ATR: variants seen among roughly 807,000 people sequenced by gnomAD.
ATR encodes ATR checkpoint kinase, also known as serine/threonine-protein kinase ATR.
ATR carries 142 observed loss-of-function variants against 305.3 expected under a neutral mutation model. The observed-to-expected ratio is 0.47, with a 90% CI of 0.41 to 0.53. ATR has a LOEUF of 0.53. Among genes scored for constraint, ATR ranks in the 20% least tolerant of loss-of-function variants. The probability of loss-of-function intolerance (pLI) is 0.00; values close to 1 mark genes in which losing one functional copy is unlikely to be tolerated. For synonymous variants in ATR, 1,050 were observed against 1,068.1 expected, an observed-to-expected ratio of 0.98 and a Z score of 0.33; for missense variants, 2,135 against 3,133.1, an observed-to-expected ratio of 0.68 and a Z score of 7.60.
At chr3:142,506,668 T>C (rs1381955726) in intron 28 of ATR, among the ~76,000 whole-genome samples, 6 of 151,998 alleles carry the variant, frequency 3.9e-5, no homozygotes, top group African/African-American at 1.5e-4. Context: ...GCCTAGGTGA[T>C]AGAGCAAGAC....
intron 18 of ATR, 26 bp from the exon 19 acceptor site, chr3:142,538,651 A>G (rs770078503): frequency 6.2e-7 from 1 of 1,612,518 alleles, no homozygotes; most frequent in Non-Finnish European, 8.5e-7. Context: ...AATAGAAATG[A>G]AGTCCAATTA....
Position 142,561,296 on chromosome 3 carries a change from A to C in ATR, c.1296T>G (p.Arg432=), listed in dbSNP as rs1017701128. 1 of 1,614,064 alleles carries C rather than the reference A, an allele frequency of 6.2e-7. No individual in the cohort carries two copies. Among genetic ancestry groups the C allele is most frequent in the Non-Finnish European group, 8.5e-7 (1 of 1,179,970 alleles). Reference sequence around the variant, plus strand: ...AAGGGTTTAGAGACGAGCTGAGACGACGCCTTTTGGGTGATATTCCATCAC... The same window carrying C: ...AAGGGTTTAGAGACGAGCTGAGACGCCGCCTTTTGGGTGATATTCCATCAC... ...SNSDGISPKR[R]RLSSSLNPSK... Residue 432 remains arginine, a synonymous_variant, in exon 5 of 47, where the codon CGT becomes CGG. Transcript: ENST00000350721.
chr3:142,560,661 C>T (rs962062392), intron 5 of ATR, among the ~76,000 whole-genome samples: 1 of 151,988 alleles, frequency 6.6e-6, no homozygotes, highest in Admixed American at 6.6e-5. Context: ...CCCGGGTTCA[C>T]GCCATTCTCC....
At position 142,449,505 on chromosome 3, in the gene ATR, A is replaced by G. The variant is rs2108242274; in HGVS notation, c.7859T>C (p.Val2620Ala). 1.2e-6 allele frequency: 2 copies of G among 1,613,592 alleles called. No homozygotes were observed. The highest frequency in any genetic ancestry group is 1.7e-6 in the Non-Finnish European group (2 of 1,179,474). ...TGLPLSIEGH[V>A]HYLIQEATDE... Reference sequence around the variant, plus strand: ...AGTAGCTTCCTGTATAAGGTAATGCACATGTCCTTCAATAGATAACGGCAG... The same window carrying G: ...AGTAGCTTCCTGTATAAGGTAATGCGCATGTCCTTCAATAGATAACGGCAG... Residue 2620 changes from valine to alanine, a missense_variant, in exon 47 of 47, where the codon GTG (valine) becomes GCG (alanine). Val to Ala is a moderately conservative substitution (Grantham distance 64). Transcript: ENST00000350721.
Position 142,467,907 on chromosome 3 carries a change from TTATAAGCACTAAGATTATGA to T in ATR, c.6687+7_6687+26del. 1 of 1,610,144 alleles carries T rather than the reference TTATAAGCACTAAGATTATGA, an allele frequency of 6.2e-7. No individual in the cohort carries two copies. The highest frequency in any genetic ancestry group is 1.1e-5 in the South Asian group (1 of 90,444). On this transcript the variant is annotated splice_region_variant and intron_variant, in intron 39 of 46. Coordinates refer to ENST00000350721, the MANE Select transcript of ATR (RefSeq NM_001184.4). Reference sequence around the variant, plus strand: ...ATATACATAATTACCCAACATCAGTTTATAAGCACTAAGATTATGATAGTACCGGTTTATTGCACAATTCT... The same window carrying T: ...ATATACATAATTACCCAACATCAGTTTAGTACCGGTTTATTGCACAATTCT...
chr3:142,499,234 A>G, intron 31 of ATR: 1 of 337,132 alleles, frequency 3.0e-6, no homozygotes, highest in Non-Finnish European at 5.8e-6. Context: ...ACAGGCTAAG[A>G]TATTAAGTAT....
intron 1 of ATR, among the ~76,000 whole-genome samples, chr3:142,575,483 AAAAGC>A (rs2035407649): frequency 1.3e-5 from 2 of 151,754 alleles, no homozygotes; most frequent in African/African-American, 4.9e-5. Context: ...AAAAAAAAAA[AAAAGC>A]AGGCTCATTC....
At chr3:142,475,447 A>G (rs58227287) in intron 36 of ATR, among the ~76,000 whole-genome samples, 10,150 of 152,210 alleles carry the variant, frequency 0.067, 1,074 homozygotes, top group African/African-American at 0.23. Context: ...TTATGGCTGC[A>G]TAGTATTCCA....
intron 35 of ATR, among the ~76,000 whole-genome samples, chr3:142,492,265 G>A (rs890144593): frequency 1.3e-5 from 2 of 152,114 alleles, no homozygotes; most frequent in African/African-American, 4.8e-5. Flanking sequence ...TAATCTGGCT[G>A]GTGGACTGAA....
intron 40 of ATR, 81 bp from the exon 41 acceptor site, chr3:142,465,321 T>TAAAAA (rs78538255): frequency 1.2e-6 from 1 of 840,746 alleles, no homozygotes; most frequent in South Asian, 2.3e-5. Flanking sequence ...TTGAGTTATG[T>TAAAAA]AAAAAAAAAA....
At chr3:142,496,335 T>TGTATATATATATAC (rs2031639388) in intron 34 of ATR, 26 bp downstream of exon 34, 1 of 731,884 alleles carries the variant, frequency 1.4e-6, no homozygotes, top group African/African-American at 2.0e-5. Context: ...TATATATATA[T>TGTATATATATATAC]ATGATGACAT....
intron 1 of ATR, among the ~76,000 whole-genome samples, chr3:142,573,623 T>C (rs1047772235): frequency 6.6e-6 from 1 of 151,978 alleles, no homozygotes; most frequent in Non-Finnish European, 1.5e-5. Flanking sequence ...ACGTAAGCCA[T>C]AATTTTGTTA....
At chr3:142,523,278 G>T (rs1364627778) in intron 22 of ATR, among the ~76,000 whole-genome samples, 1 of 152,004 alleles carries the variant, frequency 6.6e-6, no homozygotes, top group African/African-American at 2.4e-5. Context: ...AAATTAGCCA[G>T]GCGTGGTGGT....
At chr3:142,458,662 G>A (rs2070960228) in intron 44 of ATR, among the ~76,000 whole-genome samples, 1 of 152,120 alleles carries the variant, frequency 6.6e-6, no homozygotes, top group Non-Finnish European at 1.5e-5. Flanking sequence ...CTGAGTCTCA[G>A]TAAAATGAAC....
rs1330914550 is a variant in ATR, at chr3:142,513,631, T to C, written c.4511A>G (p.His1504Arg). The change falls in exon 26 of 47, where the codon CAT (histidine) becomes CGT (arginine). Residue 1504 changes from histidine (H) to arginine (R), a missense_variant. Transcript: ENST00000350721. The stretch of plus-strand genomic sequence containing the variant: ...GGTGAAAATTTTACTGGCAAGATCA[T>C]GTCGAACCTGTAAATGCAAAATGTG... ...WAGYLITKVRHDLASKIFTCC... is the reference protein window; with the variant it reads ...WAGYLITKVRRDLASKIFTCC... 6.2e-7 allele frequency: 1 copy of C among 1,613,700 alleles called. No homozygotes were observed. The highest frequency in any genetic ancestry group is 8.5e-7 in the Non-Finnish European group (1 of 1,179,730).
chr3:142,451,045 A>T, intron 46 of ATR: 1 of 1,270,846 alleles, frequency 7.9e-7, no homozygotes, highest in South Asian at 1.4e-5. Context: ...AATATGAATC[A>T]TCCCTGGAGC....
intron 33 of ATR, 22 bp downstream of exon 33, chr3:142,496,991 T>A (rs1190178632): frequency 5.6e-6 from 9 of 1,605,434 alleles, no homozygotes; most frequent in South Asian, 2.2e-5. Flanking sequence ...GTGACATTTT[T>A]AAAAAAAGTA....
At chr3:142,459,413 C>T in intron 42 of ATR, 30 bp from the exon 43 acceptor site, 3 of 1,612,476 alleles carry the variant, frequency 1.9e-6, no homozygotes, top group South Asian at 2.2e-5. Context: ...CCATTAATCA[C>T]ATCAGCCAAA....
rs189260095 is a variant in ATR at position 142,552,454 on chromosome 3, G to C, written c.2805+773C>G. Among the ~76,000 whole-genome samples the C allele has an allele frequency of 8.1e-4, 123 of 152,268 alleles. 2 individuals carry two copies. The highest frequency in any genetic ancestry group is 2.9e-3 in the African/African-American group (119 of 41,560). ...GGAGGCTGAGACGGGTGGATTGCTT[G>C]AGATCAGGAGTTCAAGACCAACTTG... On this transcript the variant is annotated intron_variant, in intron 13 of 46. Transcript: ENST00000350721.
Sources: gnomAD v4.1 joint callset for allele counts (sites outside exome capture counted in the v4.1 genomes callset) on GRCh38, gnomAD v4.1.1 for gene constraint, MANE v1.5 for transcripts, NCBI Gene and HGNC (gene_info 2026-07-23, HGNC 2026-07-21) for gene names.